DAG1: variants seen among roughly 807,000 people sequenced by gnomAD.
The protein encoded by DAG1 is dystroglycan 1.
DAG1 carries 8 observed loss-of-function variants against 46.1 expected under a neutral mutation model. That is an observed-to-expected ratio of 0.17 (90% confidence interval 0.10 to 0.31). The LOEUF is 0.31. Among genes scored for constraint, DAG1 ranks in the 10% least tolerant of loss-of-function variants. The probability of loss-of-function intolerance (pLI) is 1.00; values close to 1 mark genes in which losing one functional copy is unlikely to be tolerated. For synonymous variants in DAG1, 495 were observed against 481.8 expected (o/e 1.03, Z -0.36); for missense variants, 1,003 against 1,189.9 (o/e 0.84, Z 2.31).
intron 1 of DAG1, among the ~76,000 whole-genome samples, chr3:49,500,272 A>G (rs2050412583): frequency 1.3e-5 from 2 of 152,072 alleles, no homozygotes; most frequent in African/African-American, 4.8e-5. Context: ...CAGCCTCCAA[A>G]GTGCTGGTAT....
intron 1 of DAG1, among the ~76,000 whole-genome samples, chr3:49,490,795 C>T (rs548577809): frequency 6.6e-6 from 1 of 150,994 alleles, no homozygotes; most frequent in East Asian, 2.0e-4. Flanking sequence ...GTCTCAAACT[C>T]ATCAGTGCAA....
At chr3:49,530,682 C>T (rs2051314119) in intron 2 of DAG1, 115 bp from the exon 3 acceptor site, 5 of 1,445,930 alleles carry the variant, frequency 3.5e-6, no homozygotes, top group Non-Finnish European at 3.8e-6. Flanking sequence ...GCTTCCCCAG[C>T]AGGCATTCTG....
In DAG1 at chr3:49,532,730, A is replaced by G. The variant is rs147696554; in HGVS notation, c.2219A>G (p.Asp740Gly). The change falls in exon 3 of 3, where the codon GAC (aspartate) becomes GGC (glycine). Residue 740 changes from aspartate to glycine, a missense_variant. Asp to Gly is a moderately conservative substitution (Grantham distance 94). Transcript: ENST00000308775. The surrounding 1 kb of genome is among the most constrained non-coding windows in gnomAD (Gnocchi z 5.4). ...CCGCCCACAGAAGTGCCTGACAGGGACCCTGAGAAGAGCAGTGAGGATGAT... is the reference window on the plus strand; with the variant it reads ...CCGCCCACAGAAGTGCCTGACAGGGGCCCTGAGAAGAGCAGTGAGGATGAT... ...EAPPTEVPDRDPEKSSEDDVY... is the reference protein window; with the variant it reads ...EAPPTEVPDRGPEKSSEDDVY... The G allele has an allele frequency of 2.5e-5, 40 of 1,613,990 alleles. No homozygotes were observed. The highest frequency in any genetic ancestry group is 3.2e-5 in the Non-Finnish European group (38 of 1,180,048).
At chr3:49,516,075 C>A (rs939912871) in intron 2 of DAG1, among the ~76,000 whole-genome samples, 9 of 152,154 alleles carry the variant, frequency 5.9e-5, no homozygotes, top group Admixed American at 4.6e-4. Context: ...TTGATTCTTT[C>A]TTCTTTTGTC....
At chr3:49,502,723 C>T (rs1429609803) in intron 1 of DAG1, among the ~76,000 whole-genome samples, 1 of 151,028 alleles carries the variant, frequency 6.6e-6, no homozygotes, top group Non-Finnish European at 1.5e-5. Flanking sequence ...ACTACAAGCT[C>T]CGCCTCCCGG....
intron 1 of DAG1, among the ~76,000 whole-genome samples, chr3:49,493,788 T>A (rs2050246258): frequency 6.6e-6 from 1 of 152,236 alleles, no homozygotes; most frequent in Non-Finnish European, 1.5e-5. Context: ...TGCTTTCTGA[T>A]GCACCTCTAT....
At chr3:49,473,401 G>A (rs939166085) in intron 1 of DAG1, among the ~76,000 whole-genome samples, 2 of 151,684 alleles carry the variant, frequency 1.3e-5, no homozygotes, top group South Asian at 2.1e-4. Context: ...CGGCCTGGGC[G>A]ACAGAGCGAG....
rs1287268657 is a variant in DAG1, at chr3:49,532,266, G to C, written c.1755G>C (p.Leu585=). 1 of 1,613,914 alleles carries C rather than the reference G, an allele frequency of 6.2e-7. No individual in the cohort carries two copies. Among genetic ancestry groups the C allele is most frequent in the African/African-American group, 1.3e-5 (1 of 74,946 alleles). The part of the protein sequence containing the change: ...YFMHATDKGG[L]SAVDAFEIHV... ...TGCATGCCACAGACAAGGGGGGCCT[G>C]TCGGCTGTGGATGCCTTCGAGATCC... Residue 585 remains leucine (L), a synonymous_variant, in exon 3 of 3, where the codon CTG becomes CTC. Coordinates refer to ENST00000308775, the MANE Select transcript of DAG1 (RefSeq NM_004393.6). The surrounding 1 kb of genome is among the most constrained non-coding windows in gnomAD (Gnocchi z 5.4).
intron 2 of DAG1, among the ~76,000 whole-genome samples, chr3:49,521,240 T>A (rs1344055749): frequency 6.6e-6 from 1 of 152,070 alleles, no homozygotes; most frequent in Non-Finnish European, 1.5e-5. Context: ...CTCGGCTCAC[T>A]GCAAGCTCCG....
chr3:49,494,643 T>C (rs2050265329), intron 1 of DAG1, among the ~76,000 whole-genome samples: 1 of 151,892 alleles, frequency 6.6e-6, no homozygotes, highest in Non-Finnish European at 1.5e-5. Context: ...TTATTATTTT[T>C]TTTTTTTTGG....
intron 1 of DAG1, among the ~76,000 whole-genome samples, chr3:49,491,259 C>T (rs979790358): frequency 6.6e-6 from 1 of 151,646 alleles, no homozygotes; most frequent in African/African-American, 2.4e-5. Flanking sequence ...ATCCTCCTGC[C>T]TCAGCCTCCC....
intron 1 of DAG1, among the ~76,000 whole-genome samples, chr3:49,473,668 C>T (rs553104900): frequency 6.6e-4 from 100 of 150,814 alleles, no homozygotes; most frequent in South Asian, 2.1e-3. Context: ...CTGCAACCTC[C>T]GCCTCCCAGG....
At chr3:49,520,358 G>C (rs1350594654) in intron 2 of DAG1, among the ~76,000 whole-genome samples, 1 of 152,216 alleles carries the variant, frequency 6.6e-6, no homozygotes, top group African/African-American at 2.4e-5. Flanking sequence ...GCTTCCCTGA[G>C]CAGAGGACAC....
chr3:49,476,021 A>G (rs2106857535), intron 1 of DAG1, among the ~76,000 whole-genome samples: 1 of 152,172 alleles, frequency 6.6e-6, no homozygotes, highest in East Asian at 1.9e-4. Context: ...GGCCATAGCT[A>G]AGCATTTTCT....
intron 1 of DAG1, among the ~76,000 whole-genome samples, chr3:49,508,021 T>C (rs977890509): frequency 2.6e-5 from 4 of 152,052 alleles, no homozygotes; most frequent in African/African-American, 9.7e-5. Flanking sequence ...GCTTCATTGT[T>C]GATGTTAGTA....
In DAG1 at chr3:49,510,754, G is replaced by A. The variant is rs189360006; in HGVS notation, c.220G>A (p.Val74Ile). ...VVGIPDGTAV[V>I]GRSFRVTIPT... Reference sequence around the variant, plus strand: ...TGGCATTCCTGATGGCACGGCTGTCGTCGGGCGCTCATTTCGAGTGACCAT... The same window carrying A: ...TGGCATTCCTGATGGCACGGCTGTCATCGGGCGCTCATTTCGAGTGACCAT... Residue 74 changes from valine (V) to isoleucine (I), a missense_variant, in exon 2 of 3, where the codon GTC becomes ATC. Physicochemically the swap from Val to Ile is conservative, Grantham distance 29. Transcript: ENST00000308775. 1.1e-4 allele frequency: 173 copies of A among 1,614,174 alleles called. 1 individual carries two copies. The East Asian group carries it at 2.9e-3, about 27-fold the overall frequency.
At chr3:49,479,014 T>A (rs1384265439) in intron 1 of DAG1, among the ~76,000 whole-genome samples, 2 of 151,714 alleles carry the variant, frequency 1.3e-5, no homozygotes, top group Non-Finnish European at 2.9e-5. Flanking sequence ...GAGGTTTTAC[T>A]ATGTTAGCCA....
At chr3:49,487,825 C>A (rs1471200036) in intron 1 of DAG1, among the ~76,000 whole-genome samples, 2 of 151,438 alleles carry the variant, frequency 1.3e-5, no homozygotes, top group Non-Finnish European at 2.9e-5. Context: ...TCGGCCTCCC[C>A]ATTAGCTGGG....
intron 1 of DAG1, among the ~76,000 whole-genome samples, chr3:49,475,835 C>T (rs1459204176): frequency 6.6e-6 from 1 of 151,848 alleles, no homozygotes; most frequent in Admixed American, 6.6e-5. Context: ...TCCCGAGTAG[C>T]TGGGACTACA....
Sources: gnomAD v4.1 joint callset for allele counts (sites outside exome capture counted in the v4.1 genomes callset) on GRCh38, gnomAD v4.1.1 for gene constraint, Gnocchi (gnomAD v3.1) non-coding constraint, MANE v1.5 for transcripts, NCBI Gene and HGNC (gene_info 2026-07-23, HGNC 2026-07-21) for gene names.